Variants in CMC2 observed in about 807,000 individuals in gnomAD.
CMC2 encodes the protein COX assembly mitochondrial protein 2 homolog.
CMC2 carries 5 observed loss-of-function variants against 7.5 expected under a neutral mutation model. The observed-to-expected ratio is 0.66, with a 90% CI of 0.35 to 1.40. CMC2 has a LOEUF of 1.40. Ranked by LOEUF, CMC2 falls within the 40% of genes most tolerant of loss-of-function variation. The pLI is 0.04. For missense variants in CMC2, 115 were observed against 92.3 expected, an observed-to-expected ratio of 1.25 and a Z score of -1.01; for synonymous variants, 37 against 31.4, an observed-to-expected ratio of 1.18 and a Z score of -0.60.
At chr16:80,978,078 A>AAAAAAAAG (rs1175761514) in intron 3 of CMC2, among the ~76,000 whole-genome samples, 1 of 152,118 alleles carries the variant, frequency 6.6e-6, no homozygotes, top group African/African-American at 2.4e-5. Flanking sequence ...GTCTCAAAAA[A>AAAAAAAAG]AAAGCTACTT....
chr16:80,968,628 T>A lies in CMC2; in HGVS notation c.*7465A>T, dbSNP rs1254022589. 6.6e-6 allele frequency: 1 copy of A among 152,188 alleles called. No individual in the cohort carries two copies. The highest frequency in any genetic ancestry group is 1.5e-5 in the Non-Finnish European group (1 of 68,048). 9.4% of individuals were successfully genotyped at this position (152,188 alleles called of 1,614,324 possible). ...AAGGTAAAATTTTATGTACAGGATA[T>A]CTGTTTCTGGTAAAATAGCTCATTA... On this transcript the variant is annotated 3_prime_UTR_variant, in exon 4 of 4. Coordinates refer to ENST00000219400, the MANE Select transcript of CMC2 (RefSeq NM_020188.5).
rs529943755 is a variant in CMC2, at chr16:80,970,313, C to T, written c.*5780G>A. On this transcript the variant is annotated 3_prime_UTR_variant, in exon 4 of 4. Coordinates refer to ENST00000219400, the MANE Select transcript of CMC2 (RefSeq NM_020188.5). ...CTCACCGATTAATGGACATTAATTC[C>T]TATCTGGAATCCTAACTGTAAAGGA... is the stretch of plus-strand genomic sequence containing the variant. The T allele has an allele frequency of 8.0e-4, 122 of 152,268 alleles. No individual in the cohort carries two copies. Among genetic ancestry groups the T allele is most frequent in the African/African-American group, 2.8e-3 (116 of 41,558 alleles). The allele number at this position is 152,268 out of a possible 1,614,324, so 9.4% of individuals were successfully genotyped here.
chr16:80,983,993 G>A (rs201755504), intron 2 of CMC2: 44 of 148,112 alleles, frequency 3.0e-4, no homozygotes, highest in Middle Eastern at 3.4e-3. Context: ...AAAAAAAAAA[G>A]AAAAAAAAAC....
Position 80,970,302 on chromosome 16 carries a change from G to C in CMC2, c.*5791C>G, listed in dbSNP as rs1016065770. The C allele has an allele frequency of 6.6e-6, 1 of 152,136 alleles. No individual in the cohort carries two copies. Among genetic ancestry groups the C allele is most frequent in the African/African-American group, 2.4e-5 (1 of 41,408 alleles). 9.4% of individuals were successfully genotyped at this position (152,136 alleles called of 1,614,324 possible). On this transcript the variant is annotated 3_prime_UTR_variant, in exon 4 of 4. Transcript: ENST00000219400. ...CAAATCCAAATCTCACCGATTAATG[G>C]ACATTAATTCCTATCTGGAATCCTA...
chr16:80,995,708 C>A (rs1184045025), intron 2 of CMC2, among the ~76,000 whole-genome samples: 1 of 152,078 alleles, frequency 6.6e-6, no homozygotes, highest in Non-Finnish European at 1.5e-5. Flanking sequence ...AATTCTAGAA[C>A]TGCAAAATTC....
intron 2 of CMC2, chr16:80,983,176 A>G (rs929307510): frequency 3.9e-5 from 6 of 152,284 alleles, no homozygotes; most frequent in African/African-American, 1.2e-4. Flanking sequence ...AACATGTGTT[A>G]ATCACCTATT....
chr16:80,968,044 T>G lies in CMC2; in HGVS notation c.*8049A>C, dbSNP rs1911674323. On this transcript the variant is annotated 3_prime_UTR_variant, in exon 4 of 4. Transcript: ENST00000219400. ...TGCAGAAAAAAGAGTAAGCTAGAAG[T>G]GATGACAAGAGTGGATGAAGGTCAT... The G allele has an allele frequency of 6.6e-6, 1 of 152,060 alleles. No homozygotes were observed. Among genetic ancestry groups the G allele is most frequent in the Non-Finnish European group, 1.5e-5 (1 of 68,014 alleles). The allele number at this position is 152,060 out of a possible 1,614,324, so 9.4% of individuals were successfully genotyped here. A position where few individuals can be genotyped will look rare whatever the true frequency, so the allele number is the denominator to read the frequency against.
chr16:80,981,817 G>C lies in CMC2; in HGVS notation c.142C>G (p.Leu48Val), dbSNP rs752199735. 2.5e-6 allele frequency: 4 copies of C among 1,604,956 alleles called. No individual in the cohort carries two copies. Among genetic ancestry groups the C allele is most frequent in the South Asian group, 1.1e-5 (1 of 90,384 alleles). Residue 48 changes from leucine (L) to valine (V), a missense_variant, in exon 3 of 4, where the codon CTG becomes GTG. Leu to Val is a conservative substitution (Grantham distance 32, BLOSUM62 1). Transcript: ENST00000219400. ...NDVDRELRKC[L>V]KNEYVENRTK... Reference sequence around the variant, plus strand: ...GACACTTTTCTTACCTCATTCTTCAGGCATTTTCTCAACTCCCGATCAACA... The same window carrying C: ...GACACTTTTCTTACCTCATTCTTCACGCATTTTCTCAACTCCCGATCAACA...
chr16:80,994,119 G>A (rs1968222836), intron 2 of CMC2, among the ~76,000 whole-genome samples: 1 of 152,052 alleles, frequency 6.6e-6, no homozygotes, highest in Non-Finnish European at 1.5e-5. Flanking sequence ...TTCAACATAT[G>A]GTGTTGAGAC....
At chr16:80,999,027 CG>C (rs1401449075) in intron 1 of CMC2, 2 of 152,106 alleles carry the variant, frequency 1.3e-5, no homozygotes, top group African/African-American at 4.8e-5. Context: ...CCTTGAGGAC[CG>C]GAACAAGGGA....
intron 2 of CMC2, among the ~76,000 whole-genome samples, chr16:80,988,763 G>A (rs1439986097): frequency 6.6e-6 from 1 of 151,704 alleles, no homozygotes; most frequent in Non-Finnish European, 1.5e-5. Context: ...TTTTTTTCCC[G>A]ATCCAGGATT....
intron 1 of CMC2, among the ~76,000 whole-genome samples, chr16:81,001,078 G>C (rs1316406245): frequency 2.0e-5 from 3 of 152,302 alleles, no homozygotes; most frequent in African/African-American, 7.2e-5. Context: ...ATTATCCTAA[G>C]TGAATTAACG....
rs1911914733 is a variant in CMC2, at chr16:80,971,554, T to TAC, written c.*4537_*4538dup. ...TAAAATATGGCTATGGATACTGACA[T>TAC]ACATACATTTTATATATATATATAT... On this transcript the variant is annotated 3_prime_UTR_variant, in exon 4 of 4. Coordinates refer to ENST00000219400, the MANE Select transcript of CMC2 (RefSeq NM_020188.5). The TAC allele has an allele frequency of 9.4e-6, 1 of 106,916 alleles. No individual in the cohort carries two copies. The highest frequency in any genetic ancestry group is 1.8e-5 in the Non-Finnish European group (1 of 56,914). 6.6% of individuals were successfully genotyped at this position (106,916 alleles called of 1,614,324 possible). A position where few individuals can be genotyped will look rare whatever the true frequency, so the allele number is the denominator to read the frequency against.
At chr16:80,976,218 G>C (rs12446410) in intron 3 of CMC2, 39 bp from the exon 4 acceptor site, 1 of 1,083,154 alleles carries the variant, frequency 9.2e-7, no homozygotes, top group Non-Finnish European at 1.4e-6. Context: ...AGAAACAGCA[G>C]ATTATGTCAC....
chr16:80,994,932 G>A (rs1244350958), intron 2 of CMC2, among the ~76,000 whole-genome samples: 1 of 152,116 alleles, frequency 6.6e-6, no homozygotes, highest in Non-Finnish European at 1.5e-5. Context: ...GATCACCTGA[G>A]ATCAGGAGTT....
chr16:81,003,910 T>C (rs1290989411), intron 1 of CMC2, among the ~76,000 whole-genome samples: 1 of 152,206 alleles, frequency 6.6e-6, no homozygotes, highest in Non-Finnish European at 1.5e-5. Flanking sequence ...TATATCTCAG[T>C]GATGGCATGG....
intron 1 of CMC2, among the ~76,000 whole-genome samples, chr16:81,001,846 A>G (rs1026943712): frequency 5.1e-5 from 6 of 117,482 alleles, no homozygotes; most frequent in Non-Finnish European, 1.1e-4. Context: ...TACTAAACAC[A>G]CACACACACA....
chr16:80,994,015 C>A (rs1968215284), intron 2 of CMC2, among the ~76,000 whole-genome samples: 1 of 152,116 alleles, frequency 6.6e-6, no homozygotes, highest in Non-Finnish European at 1.5e-5. Context: ...ATCAGTGAAA[C>A]AGACTAGAGA....
rs115442861 is a variant in CMC2, at chr16:80,975,072, C to G, written c.*1021G>C. 1.3e-5 allele frequency: 2 copies of G among 152,340 alleles called. No homozygotes were observed. Among genetic ancestry groups the G allele is most frequent in the Non-Finnish European group, 2.9e-5 (2 of 68,134 alleles). The allele number at this position is 152,340 out of a possible 1,614,324, so 9.4% of individuals were successfully genotyped here. The stretch of plus-strand genomic sequence containing the variant: ...CCCCTGCTGTGACTGCAGCTGGAAG[C>G]TGCTGACTTCCAGATTGTCACAGGT... On this transcript the variant is annotated 3_prime_UTR_variant, in exon 4 of 4. Coordinates refer to ENST00000219400, the MANE Select transcript of CMC2 (RefSeq NM_020188.5).
Sources: gnomAD v4.1 joint callset for allele counts (sites outside exome capture counted in the v4.1 genomes callset) on GRCh38, gnomAD v4.1.1 for gene constraint, MANE v1.5 for transcripts, NCBI Gene and HGNC (gene_info 2026-07-23, HGNC 2026-07-21) for gene names.